The following C17orf75 variants were observed in gnomAD, a reference collection of about 807,000 sequenced individuals.
The protein encoded by C17orf75 is protein Njmu-R1.
C17orf75 carries 32 observed loss-of-function variants against 49.6 expected under a neutral mutation model. The observed-to-expected ratio is 0.65, with a 90% CI of 0.49 to 0.87. C17orf75 has a LOEUF of 0.87. Ranked by LOEUF, C17orf75 falls within the 40% of genes least tolerant of loss-of-function variation. The pLI is 0.00. For synonymous variants in C17orf75, 158 were observed against 159.5 expected (o/e 0.99, Z 0.07); for missense variants, 428 against 473.9 (o/e 0.90, Z 0.90).
chr17:32,339,884 A>G lies in C17orf75; in HGVS notation c.276T>C (p.Ser92=), dbSNP rs1402890102. The change falls in exon 3 of 10, where the codon AGT becomes AGC. Residue 92 remains serine, a synonymous_variant. Coordinates refer to ENST00000577809, the MANE Select transcript of C17orf75 (RefSeq NM_022344.4). ...CTCTTGAAAGACGCTTAGCAATGAA[A>G]CTGCGCAGCTCTGGCTCCACTTCGG... ...LPSEVEPELR[S]FIAKRLSRGA... 1.2e-6 allele frequency: 2 copies of G among 1,614,000 alleles called. No homozygotes were observed. Among genetic ancestry groups the G allele is most frequent in the Non-Finnish European group, 1.7e-6 (2 of 1,179,878 alleles).
intron 1 of C17orf75, among the ~76,000 whole-genome samples, chr17:32,348,321 C>T (rs1321933955): frequency 6.6e-6 from 1 of 152,132 alleles, no homozygotes; most frequent in African/African-American, 2.4e-5. Context: ...CTGCGCACAG[C>T]CCAAACTGAT....
intron 3 of C17orf75, among the ~76,000 whole-genome samples, chr17:32,339,084 CT>C (rs1427305269): frequency 6.6e-6 from 1 of 151,556 alleles, no homozygotes; most frequent in African/African-American, 2.4e-5. Context: ...GAGTGAGACT[CT>C]GTCTTAAAAA....
chr17:32,345,560 G>A (rs929040663), upstream of C17orf75, among the ~76,000 whole-genome samples: 3 of 150,848 alleles, frequency 2.0e-5, no homozygotes, highest in African/African-American at 4.9e-5. Flanking sequence ...GGCCGGGCGC[G>A]GTGGCTCACA....
chr17:32,342,115 T>C lies in C17orf75; in HGVS notation c.25A>G (p.Met9Val). Reference protein sequence around the residue: MLPSLQESMDGDEKELESS... With the variant: MLPSLQESVDGDEKELESS... ...TCTAGTTCCTTTTCATCTCCATCCA[T>C]CGACTCCTGCAAAGAGGGGAGCATT... The change falls in exon 1 of 10, where the codon ATG (methionine) becomes GTG (valine). Residue 9 changes from methionine (M) to valine (V), a missense_variant. Met to Val is a conservative substitution (Grantham distance 21). Transcript: ENST00000577809. 6.2e-7 allele frequency: 1 copy of C among 1,601,708 alleles called. No homozygotes were observed. The highest frequency in any genetic ancestry group is 8.5e-7 in the Non-Finnish European group (1 of 1,174,836).
At chr17:32,333,621 G>C in intron 8 of C17orf75, 101 bp from the exon 9 acceptor site, 1 of 1,038,852 alleles carries the variant, frequency 9.6e-7, no homozygotes, top group Non-Finnish European at 1.4e-6. Flanking sequence ...CCCGGCTGGA[G>C]TGCAGCCGGA....
At chr17:32,337,606 C>T (rs573110300) in intron 5 of C17orf75, among the ~76,000 whole-genome samples, 1 of 151,954 alleles carries the variant, frequency 6.6e-6, no homozygotes, top group Non-Finnish European at 1.5e-5. Flanking sequence ...ATTTTTTTAA[C>T]TCTGTCGCTC....
At chr17:32,341,860 G>A in intron 1 of C17orf75, 140 bp downstream of exon 1, 1 of 1,082,078 alleles carries the variant, frequency 9.2e-7, no homozygotes, top group Non-Finnish European at 1.1e-6. Context: ...TCAGGCCAGA[G>A]ACCTTGGCTG....
At chr17:32,334,661 A>C in intron 7 of C17orf75, 56 bp from the exon 8 acceptor site, 1 of 1,596,472 alleles carries the variant, frequency 6.3e-7, no homozygotes, top group African/African-American at 1.3e-5. Flanking sequence ...GAAGGATGAA[A>C]ACAAATTTAT....
intron 5 of C17orf75, among the ~76,000 whole-genome samples, chr17:32,336,317 G>A (rs1384435861): frequency 1.3e-5 from 2 of 152,108 alleles, no homozygotes; most frequent in Non-Finnish European, 2.9e-5. Flanking sequence ...AGGCTCAAGC[G>A]ATCCTCCCAC....
At position 32,338,333 on chromosome 17, in the gene C17orf75, A is replaced by C. The variant is rs753411489; in HGVS notation, c.366T>G (p.Val122=). 6 of 1,604,518 alleles carry C rather than the reference A, an allele frequency of 3.7e-6. No individual in the cohort carries two copies. The South Asian group carries it at 6.8e-5, about 18-fold the overall frequency. ...SVELKIPGYR[V]GCYYCLFQNE... is the part of the protein sequence containing the mutation. ...TTTGGAAAAGGCAGTAATAACAACC[A>C]ACTCGGTAACCTGGAATTCTAGAAA... is the stretch of plus-strand genomic sequence containing the variant. Residue 122 remains valine (V), a synonymous_variant, in exon 4 of 10, where the codon GTT becomes GTG. Coordinates refer to ENST00000577809, the MANE Select transcript of C17orf75 (RefSeq NM_022344.4).
intron 2 of C17orf75, 111 bp downstream of exon 2, chr17:32,341,093 G>A (rs527653029): frequency 5.2e-6 from 6 of 1,149,906 alleles, no homozygotes; most frequent in Admixed American, 1.8e-5. Context: ...AGGAATTGAC[G>A]GTTTGACTCA....
At chr17:32,347,290 T>TC (rs1187717796) in intron 1 of C17orf75, among the ~76,000 whole-genome samples, 2 of 151,476 alleles carry the variant, frequency 1.3e-5, no homozygotes, top group Non-Finnish European at 2.9e-5. Context: ...TTCTTTTTTT[T>TC]CCCCCGAGAT....
rs370875085 is a variant in C17orf75, at chr17:32,333,438, T to C, written c.954A>G (p.Val318=). 6.2e-6 allele frequency: 10 copies of C among 1,612,480 alleles called. No homozygotes were observed. The African/African-American group carries it at 1.3e-4, about 22-fold the overall frequency. Residue 318 remains valine, a synonymous_variant, in exon 9 of 10, where the codon GTA becomes GTG. Transcript: ENST00000577809. ...KGGNPFLFRQ[V]LENFKLKAIQ... ...TTACCTTTAGTTTAAAGTTCTCCAG[T>C]ACTTGTCGGAAAAGAAAAGGGTTAC...
upstream of C17orf75, chr17:32,343,541 G>A (rs796564673): frequency 3.1e-6 from 1 of 326,500 alleles, no homozygotes; most frequent in Non-Finnish European, 5.5e-6. Flanking sequence ...AGCAATTATG[G>A]CAGAGATTCC....
At chr17:32,341,963 G>A (rs955830375) in intron 1 of C17orf75, 37 bp downstream of exon 1, 1 of 1,361,406 alleles carries the variant, frequency 7.3e-7, no homozygotes, top group Non-Finnish European at 9.5e-7. Context: ...GGGCCGCAGG[G>A]GCGGGCGGGC....
chr17:32,335,232 A>G, intron 6 of C17orf75, 91 bp downstream of exon 6: 1 of 1,456,160 alleles, frequency 6.9e-7, no homozygotes, highest in Non-Finnish European at 9.4e-7. Context: ...TTGGGGAGGG[A>G]TGGGAGTCAT....
chr17:32,331,535 C>T lies in C17orf75; in HGVS notation c.*228G>A. 2.3e-6 allele frequency: 1 copy of T among 437,024 alleles called. No individual in the cohort carries two copies. The highest frequency in any genetic ancestry group is 4.0e-6 in the Non-Finnish European group (1 of 247,014). 27.1% of individuals were successfully genotyped at this position (437,024 alleles called of 1,614,324 possible). A position where few individuals can be genotyped will look rare whatever the true frequency, so the allele number is the denominator to read the frequency against. On this transcript the variant is annotated 3_prime_UTR_variant, in exon 10 of 10. Transcript: ENST00000577809. ...TCCTGAAGCGTGGAATTTATGGGGC[C>T]AGTGAGACACTAAAATTTCACAACT...
upstream of C17orf75, chr17:32,342,258 C>A: frequency 7.3e-7 from 1 of 1,362,658 alleles, no homozygotes; most frequent in Non-Finnish European, 9.5e-7. Flanking sequence ...CCGCTGGTTT[C>A]CCCGGGTTCG....
intron 5 of C17orf75, among the ~76,000 whole-genome samples, chr17:32,336,594 A>AT (rs1301848133): frequency 2.6e-5 from 4 of 152,212 alleles, no homozygotes; most frequent in Non-Finnish European, 2.9e-5. Flanking sequence ...AATGTTTTTA[A>AT]GAATCTTTGA....
Sources: gnomAD v4.1 joint callset for allele counts (sites outside exome capture counted in the v4.1 genomes callset) on GRCh38, gnomAD v4.1.1 for gene constraint, MANE v1.5 for transcripts, NCBI Gene and HGNC (gene_info 2026-07-23, HGNC 2026-07-21) for gene names.